VRK1: variants seen among roughly 807,000 people sequenced by gnomAD.
VRK1 encodes VRK serine/threonine kinase 1.
A neutral mutation model predicts 57.1 loss-of-function variants in VRK1; 33 were observed. That is an observed-to-expected ratio of 0.58 (90% CI 0.44 to 0.77). The LOEUF is 0.77. Ranked by LOEUF, VRK1 falls within the 30% of genes least tolerant of loss-of-function variation. The pLI, the probability that VRK1 is intolerant of heterozygous loss-of-function variation, is 0.00. For missense variants in VRK1, 413 were observed against 477.3 expected (o/e 0.87, Z 1.25); for synonymous variants, 137 against 147.8 (o/e 0.93, Z 0.53).
intron 11 of VRK1, among the ~76,000 whole-genome samples, chr14:96,873,621 G>A (rs1888913120): frequency 6.6e-6 from 1 of 152,140 alleles, no homozygotes; most frequent in Non-Finnish European, 1.5e-5. Flanking sequence ...ACATTTTTCT[G>A]TTCAAAAGGA....
chr14:96,812,750 T>G (rs1210491189), intron 1 of VRK1, among the ~76,000 whole-genome samples: 1 of 152,224 alleles, frequency 6.6e-6, no homozygotes, highest in Admixed American at 6.5e-5. Context: ...TATGTTTTCT[T>G]GGCAACAGGT....
chr14:96,821,107 A>G (rs1448206253), intron 1 of VRK1, among the ~76,000 whole-genome samples: 1 of 152,180 alleles, frequency 6.6e-6, no homozygotes, highest in Non-Finnish European at 1.5e-5. Flanking sequence ...GTTGATACAT[A>G]ATATTATATC....
chr14:96,824,426 C>A (rs1292485654), intron 1 of VRK1, among the ~76,000 whole-genome samples: 1 of 152,030 alleles, frequency 6.6e-6, no homozygotes, highest in Non-Finnish European at 1.5e-5. Flanking sequence ...TGCTTCTGGG[C>A]AGGCAAATGA....
intron 11 of VRK1, among the ~76,000 whole-genome samples, chr14:96,872,146 C>T (rs1205679210): frequency 6.6e-6 from 1 of 152,158 alleles, no homozygotes; most frequent in Non-Finnish European, 1.5e-5. Context: ...ATTTGTCTGT[C>T]TCTTTTCAAG....
At chr14:96,810,181 T>G (rs992081111) in intron 1 of VRK1, among the ~76,000 whole-genome samples, 10 of 152,198 alleles carry the variant, frequency 6.6e-5, no homozygotes, top group Non-Finnish European at 7.4e-5. Context: ...GATTGTCTTT[T>G]TTCTTATTGA....
rs543451240 is a variant in VRK1, at chr14:96,843,188, A to G, written c.217-2907A>G. On this transcript the variant is annotated intron_variant, in intron 3 of 12. Coordinates refer to ENST00000216639, the MANE Select transcript of VRK1 (RefSeq NM_003384.3). ...TTCTGAAAGTAACTGTGCAGGAGAAATGTTGGATAATGCAAGGAGAAAGAA... is the reference window on the plus strand; with the variant it reads ...TTCTGAAAGTAACTGTGCAGGAGAAGTGTTGGATAATGCAAGGAGAAAGAA... 2.6e-5 allele frequency among the ~76,000 whole-genome samples: 4 copies of G among 152,334 alleles called. No homozygotes were observed. The South Asian group carries it at 8.3e-4, about 32-fold the overall frequency.
Position 96,810,589 on chromosome 14 carries a change from A to C in VRK1, c.-6+13142A>C, listed in dbSNP as rs570725003. 9.9e-4 allele frequency among the ~76,000 whole-genome samples: 151 copies of C among 152,318 alleles called. 3 individuals are homozygous for C. Among genetic ancestry groups the C allele is most frequent in the South Asian group, 9.5e-3 (46 of 4,828 alleles). ...TCTGTTGGACACAAGCCTGGGAGTTAGGATTCCAGTATTCTCCACCTTAGA... is the reference window on the plus strand; with the variant it reads ...TCTGTTGGACACAAGCCTGGGAGTTCGGATTCCAGTATTCTCCACCTTAGA... On this transcript the variant is annotated intron_variant, in intron 1 of 12. Transcript: ENST00000216639.
chr14:96,798,591 C>T (rs1428267097), intron 1 of VRK1, among the ~76,000 whole-genome samples: 1 of 151,552 alleles, frequency 6.6e-6, no homozygotes, highest in African/African-American at 2.4e-5. Context: ...TTTTTTTAAA[C>T]TGGAATTGCC....
At chr14:96,844,634 T>C in intron 3 of VRK1, among the ~76,000 whole-genome samples, 1 of 152,182 alleles carries the variant, frequency 6.6e-6, no homozygotes, top group East Asian at 1.9e-4. Flanking sequence ...CTCCGCCTCC[T>C]GGGTTCAAGT....
chr14:96,824,842 A>G (rs561195082), intron 1 of VRK1, among the ~76,000 whole-genome samples: 1 of 151,754 alleles, frequency 6.6e-6, no homozygotes, highest in African/African-American at 2.4e-5. Flanking sequence ...TTTAGTAGAG[A>G]CGGGATTTCA....
chr14:96,865,164 A>C (rs1157333201), intron 11 of VRK1, among the ~76,000 whole-genome samples: 2 of 151,878 alleles, frequency 1.3e-5, no homozygotes, highest in Non-Finnish European at 2.9e-5. Flanking sequence ...GATCATGAAG[A>C]TATGTTATTT....
intron 3 of VRK1, among the ~76,000 whole-genome samples, chr14:96,842,232 C>T (rs1566701893): frequency 6.6e-6 from 1 of 152,200 alleles, no homozygotes; most frequent in South Asian, 2.1e-4. Context: ...CATTCACTTT[C>T]CTGTCTTGTC....
At chr14:96,807,153 A>G (rs1343957830) in intron 1 of VRK1, among the ~76,000 whole-genome samples, 2 of 152,196 alleles carry the variant, frequency 1.3e-5, no homozygotes, top group Non-Finnish European at 2.9e-5. Context: ...TACAGAGACA[A>G]AATCATCTCT....
intron 12 of VRK1, chr14:96,877,446 C>G (rs1889086558): frequency 1.6e-6 from 2 of 1,258,538 alleles, no homozygotes; most frequent in Non-Finnish European, 2.1e-6. Flanking sequence ...CTGCTGTCTT[C>G]CTTTCGCTAC....
At chr14:96,805,033 C>T (rs1248396087) in intron 1 of VRK1, among the ~76,000 whole-genome samples, 3 of 152,122 alleles carry the variant, frequency 2.0e-5, no homozygotes, top group Non-Finnish European at 2.9e-5. Flanking sequence ...AGAGTCCAAG[C>T]GTTGAGCAAC....
At chr14:96,874,191 A>C (rs1485733441) in intron 11 of VRK1, among the ~76,000 whole-genome samples, 1 of 152,140 alleles carries the variant, frequency 6.6e-6, no homozygotes, top group Non-Finnish European at 1.5e-5. Flanking sequence ...ATTCCTCCTT[A>C]ATTTTGGTCT....
At chr14:96,875,963 T>C (rs1277641303) in intron 11 of VRK1, 67 bp from the exon 12 acceptor site, 26 of 1,507,084 alleles carry the variant, frequency 1.7e-5, no homozygotes, top group Non-Finnish European at 2.2e-5. Flanking sequence ...CAGACAAATA[T>C]GTGATGAGTT....
chr14:96,852,768 T>C, intron 5 of VRK1, 63 bp from the exon 6 acceptor site: 2 of 1,170,020 alleles, frequency 1.7e-6, no homozygotes, highest in Non-Finnish European at 2.6e-6. Flanking sequence ...TTGAGAGTAC[T>C]CATTACAAAG....
chr14:96,860,787 A>G (rs764421758), intron 11 of VRK1, 52 bp downstream of exon 11: 7 of 1,585,840 alleles, frequency 4.4e-6, no homozygotes, highest in Middle Eastern at 3.5e-4. Context: ...TATAATTGCA[A>G]TAAATACTAA....
Sources: allele counts gnomAD v4.1 joint callset (sites outside exome capture counted in the v4.1 genomes callset), GRCh38; gene constraint gnomAD v4.1.1; transcripts MANE v1.5; gene names NCBI Gene and HGNC (gene_info 2026-07-23, HGNC 2026-07-21).